The following SFMBT2 variants were observed in gnomAD, a reference collection of about 807,000 sequenced individuals.
SFMBT2 encodes scm-like with four MBT domains protein 2.
Under a neutral mutation model 110.1 loss-of-function variants are expected in SFMBT2, and 38 were observed. The observed-to-expected ratio is 0.35, with a 90% CI of 0.27 to 0.45. SFMBT2 has a LOEUF of 0.45. Ranked by LOEUF, SFMBT2 falls within the 20% of genes least tolerant of loss-of-function variation. The pLI is 1.00. For missense variants in SFMBT2, 1,011 were observed against 1,094.9 expected (o/e 0.92, Z 1.08); for synonymous variants, 425 against 425.4 (o/e 1.00, Z 0.01).
intron 1 of SFMBT2, among the ~76,000 whole-genome samples, chr10:7,404,636 GAA>G (rs1235456703): frequency 6.6e-6 from 1 of 152,188 alleles, no homozygotes; most frequent in Admixed American, 6.5e-5. Context: ...AGAAAGGAAT[GAA>G]ACAGAAAAAC....
intron 1 of SFMBT2, among the ~76,000 whole-genome samples, chr10:7,410,537 G>T (rs988451437): frequency 9.9e-5 from 15 of 152,144 alleles, no homozygotes; most frequent in Non-Finnish European, 4.4e-5. Context: ...CGCACGGCTC[G>T]GCTTTTCCGA....
rs907041303 is a variant in SFMBT2 at position 7,286,025 on chromosome 10, C to T, written c.437-71G>A. 4.3e-5 allele frequency: 33 copies of T among 761,254 alleles called. 1 individual carries two copies. In the South Asian group the frequency reaches 4.8e-4, roughly 11 times the overall value. The allele number at this position is 761,254 out of a possible 1,614,324, so 47.2% of individuals were successfully genotyped here. On this transcript the variant is annotated intron_variant, in intron 4 of 20. Coordinates refer to ENST00000397167, the MANE Select transcript of SFMBT2 (RefSeq NM_001387889.1). ...CACTTCAACACAGCAGCAAAGTATC[C>T]AATCAACTTAAAATCACAGCAGTTT...
intron 15 of SFMBT2, among the ~76,000 whole-genome samples, chr10:7,195,924 C>T (rs150427897): frequency 2.8e-4 from 42 of 152,272 alleles, no homozygotes; most frequent in African/African-American, 8.4e-4. Flanking sequence ...ATAGCCTTAT[C>T]GATTTCTGAC....
At chr10:7,278,711 T>C (rs913026486) in intron 6 of SFMBT2, among the ~76,000 whole-genome samples, 1 of 152,138 alleles carries the variant, frequency 6.6e-6, no homozygotes, top group African/African-American at 2.4e-5. Flanking sequence ...GGCTGACACC[T>C]TTGGCCCCTT....
In SFMBT2 at chr10:7,171,986, G is replaced by C; in HGVS notation, c.2324C>G (p.Pro775Arg). The C allele has an allele frequency of 6.5e-7, 1 of 1,548,594 alleles. No homozygotes were observed. The highest frequency in any genetic ancestry group is 8.7e-7 in the Non-Finnish European group (1 of 1,150,966). The change falls in exon 19 of 21, where the codon CCA becomes CGA. Residue 775 changes from proline to arginine, a missense_variant. By Grantham distance (103) the Pro-to-Arg change is moderately radical. This residue lies in a region of SFMBT2 where 979 missense variants were observed against 1,016.1 expected (regional missense o/e 0.96). Coordinates refer to ENST00000397167, the MANE Select transcript of SFMBT2 (RefSeq NM_001387889.1). The surrounding 1 kb of genome is among the most constrained non-coding windows in gnomAD (Gnocchi z 4.9). Reference protein sequence around the residue: ...SGSEPVRRPPPERTRRGRGAP... With the variant: ...SGSEPVRRPPRERTRRGRGAP... ...CCCGCGGCCCCTTCGTGTCCTCTCT[G>C]GGGGTGGCCGGCGCACGGGCTCTGA... is the stretch of plus-strand genomic sequence containing the variant.
intron 4 of SFMBT2, among the ~76,000 whole-genome samples, chr10:7,304,712 C>T (rs1011820742): frequency 6.6e-6 from 1 of 152,196 alleles, no homozygotes; most frequent in African/African-American, 2.4e-5. Flanking sequence ...GAGAGAAATT[C>T]TAACTCCAAA....
rs772243132 is a variant in SFMBT2, at chr10:7,251,136, CATCT to C, written c.871-2491_871-2488del. ...AATCACATGTACCCCAAAGTATGTA[CATCT>C]ATTATGTACCAATAAAAAAAATTAA... On this transcript the variant is annotated intron_variant, in intron 7 of 20. Transcript: ENST00000397167. Among the ~76,000 whole-genome samples the C allele has an allele frequency of 4.7e-4, 71 of 150,436 alleles. 1 individual carries two copies. The highest frequency in any genetic ancestry group is 2.5e-3 in the South Asian group (12 of 4,738).
At chr10:7,352,961 G>C (rs1268114571) in intron 4 of SFMBT2, among the ~76,000 whole-genome samples, 1 of 152,104 alleles carries the variant, frequency 6.6e-6, no homozygotes, top group Non-Finnish European at 1.5e-5. Flanking sequence ...AGTGAGCCGA[G>C]ATCGTGCCAC....
At chr10:7,382,537 A>T (rs950535775) in intron 1 of SFMBT2, among the ~76,000 whole-genome samples, 7 of 152,338 alleles carry the variant, frequency 4.6e-5, no homozygotes, top group African/African-American at 1.7e-4. Context: ...AGATGGACAC[A>T]TATTTCACGA....
At chr10:7,355,716 G>A (rs1477528255) in intron 4 of SFMBT2, among the ~76,000 whole-genome samples, 6 of 152,162 alleles carry the variant, frequency 3.9e-5, no homozygotes, top group Non-Finnish European at 5.9e-5. Context: ...AGAAGGCTGA[G>A]GCAGAGAACT....
chr10:7,244,647 A>G (rs897874234), intron 8 of SFMBT2, among the ~76,000 whole-genome samples: 1 of 152,214 alleles, frequency 6.6e-6, no homozygotes, highest in Non-Finnish European at 1.5e-5. Context: ...GTAACTTAGT[A>G]TCTAAAACAG....
intron 9 of SFMBT2, among the ~76,000 whole-genome samples, chr10:7,236,646 ATCAATG>A (rs1327443016): frequency 1.3e-5 from 2 of 152,230 alleles, no homozygotes; most frequent in Non-Finnish European, 2.9e-5. Context: ...CAATACAAAA[ATCAATG>A]TCAAGTAGGT....
In SFMBT2 at chr10:7,408,188, G is replaced by GGCTGCTCCCCAC. The variant is rs1396892058; in HGVS notation, c.-52+2661_-52+2672dup. 6.6e-6 allele frequency among the ~76,000 whole-genome samples: 1 copy of GGCTGCTCCCCAC among 152,254 alleles called. No individual in the cohort carries two copies. Among genetic ancestry groups the GGCTGCTCCCCAC allele is most frequent in the South Asian group, 2.1e-4 (1 of 4,832 alleles). On this transcript the variant is annotated intron_variant, in intron 1 of 20. Transcript: ENST00000397167. This position sits in a 1 kb window ranked among gnomAD's most constrained non-coding sequence, Gnocchi z 5.7. Reference sequence around the variant, plus strand: ...AGCTTCGCAGCACAGAGCCATTTTAGGCTGCTCCCCACCTCGCGGGGCCCA... The same window carrying GGCTGCTCCCCAC: ...AGCTTCGCAGCACAGAGCCATTTTAGGCTGCTCCCCACGCTGCTCCCCACCTCGCGGGGCCCA...
chr10:7,230,591 G>C (rs889788169), intron 9 of SFMBT2, among the ~76,000 whole-genome samples: 1 of 152,264 alleles, frequency 6.6e-6, no homozygotes, highest in Admixed American at 6.5e-5. Flanking sequence ...GGAAAAAGTA[G>C]ATTAAATCTT....
At chr10:7,299,335 C>A (rs148794368) in intron 4 of SFMBT2, among the ~76,000 whole-genome samples, 10 of 152,030 alleles carry the variant, frequency 6.6e-5, no homozygotes, top group Non-Finnish European at 1.5e-4. Context: ...GCAATCTACC[C>A]GTCTGACAAA....
intron 9 of SFMBT2, among the ~76,000 whole-genome samples, chr10:7,236,229 A>T (rs1046197867): frequency 1.3e-5 from 2 of 152,172 alleles, no homozygotes; most frequent in African/African-American, 4.8e-5. Context: ...GAAAATATCA[A>T]TTTTTCTAAG....
chr10:7,220,305 AAG>A (rs1378044412), intron 11 of SFMBT2, 104 bp downstream of exon 11: 4 of 814,460 alleles, frequency 4.9e-6, no homozygotes, highest in Non-Finnish European at 8.0e-6. Flanking sequence ...GTTTAAATGA[AAG>A]AGAAGTAAGG....
intron 11 of SFMBT2, among the ~76,000 whole-genome samples, chr10:7,218,226 A>G (rs1314842835): frequency 6.6e-6 from 1 of 152,226 alleles, no homozygotes; most frequent in Non-Finnish European, 1.5e-5. Flanking sequence ...CCACAAAGTG[A>G]CCATGATGAA....
intron 4 of SFMBT2, among the ~76,000 whole-genome samples, chr10:7,310,783 T>C (rs757605267): frequency 6.6e-5 from 10 of 152,200 alleles, no homozygotes; most frequent in Non-Finnish European, 1.2e-4. Context: ...CGGTGGCTCA[T>C]GCTTGTAATC....
Sources: gnomAD v4.1 joint callset for allele counts (sites outside exome capture counted in the v4.1 genomes callset) on GRCh38, gnomAD v4.1.1 for gene constraint, gnomAD v4.1.1 regional missense constraint, Gnocchi (gnomAD v3.1) non-coding constraint, MANE v1.5 for transcripts, NCBI Gene and HGNC (gene_info 2026-07-23, HGNC 2026-07-21) for gene names.